The following VWA3A variants were observed in gnomAD, a reference collection of about 807,000 sequenced individuals.
VWA3A encodes the protein von Willebrand factor A domain-containing protein 3A.
VWA3A carries 134 observed loss-of-function variants against 160.4 expected under a neutral mutation model. The observed-to-expected ratio is 0.84, with a 90% CI of 0.73 to 0.96. The LOEUF (loss-of-function observed/expected upper bound fraction) is 0.96, where lower values mean the gene tolerates loss of function less well. VWA3A is among the 40% of genes least tolerant of loss of function. The pLI is 0.00. For missense variants in VWA3A, 1,310 were observed against 1,447.9 expected (o/e 0.90, Z 1.55); for synonymous variants, 476 against 543.4 (o/e 0.88, Z 1.72).
At chr16:22,101,447 A>T (rs954074586) in intron 5 of VWA3A, among the ~76,000 whole-genome samples, 1 of 152,192 alleles carries the variant, frequency 6.6e-6, no homozygotes, top group Non-Finnish European at 1.5e-5. Flanking sequence ...GTCCATTTTC[A>T]TGCTGCTGAT....
intron 5 of VWA3A, among the ~76,000 whole-genome samples, chr16:22,101,411 CA>C (rs1392527476): frequency 6.6e-6 from 1 of 152,124 alleles, no homozygotes; most frequent in East Asian, 1.9e-4. Flanking sequence ...ACTCCTAAAC[CA>C]GATTTTGATA....
At chr16:22,146,710 A>C (rs2046257470) in intron 27 of VWA3A, among the ~76,000 whole-genome samples, 1 of 151,718 alleles carries the variant, frequency 6.6e-6, no homozygotes, top group Admixed American at 6.6e-5. Context: ...CAGAGGTTGC[A>C]GTGAGCTGAG....
chr16:22,104,243 A>G (rs1474187660), intron 6 of VWA3A, among the ~76,000 whole-genome samples: 2 of 152,028 alleles, frequency 1.3e-5, no homozygotes, highest in Non-Finnish European at 2.9e-5. Flanking sequence ...ATCCCAGCAC[A>G]TTGAGAGGCC....
In VWA3A at chr16:22,115,923, A is replaced by AAGG. The variant is rs1156229417; in HGVS notation, c.815+452_815+453insGGA. Among the ~76,000 whole-genome samples, 105 of 19,524 alleles carry AAGG rather than the reference A, an allele frequency of 5.4e-3. 3 individuals carry two copies. Among genetic ancestry groups the AAGG allele is most frequent in the African/African-American group, 0.018 (9 of 496 alleles). The allele number at this position is 19,524 out of a possible 152,430, so 12.8% of individuals were successfully genotyped here. ...GAAGGAAGGAAGGAAGGAAGGAAGG[A>AAGG]AAGGAAAGGAAAGGAAGGGAGGAGG... On this transcript the variant is annotated intron_variant, in intron 9 of 33. Transcript: ENST00000389398.
chr16:22,110,282 C>G (rs924993919), intron 7 of VWA3A, among the ~76,000 whole-genome samples: 4 of 152,196 alleles, frequency 2.6e-5, no homozygotes, highest in African/African-American at 9.6e-5. Context: ...GTGATGTGGA[C>G]AGGCTATTTT....
intron 11 of VWA3A, among the ~76,000 whole-genome samples, chr16:22,117,886 C>T (rs2045672732): frequency 6.6e-6 from 1 of 152,134 alleles, no homozygotes. Context: ...ATCTTGATAC[C>T]TCATCATCTA....
chr16:22,095,129 C>T (rs567507648), intron 1 of VWA3A, among the ~76,000 whole-genome samples: 3 of 152,214 alleles, frequency 2.0e-5, no homozygotes, highest in Admixed American at 6.5e-5. Flanking sequence ...ATGAATGTAT[C>T]GTTCCAAATT....
chr16:22,111,215 A>G (rs1190734504), intron 8 of VWA3A, among the ~76,000 whole-genome samples: 1 of 152,224 alleles, frequency 6.6e-6, no homozygotes, highest in African/African-American at 2.4e-5. Flanking sequence ...CACTATTTTT[A>G]TCCAGCAAAG....
intron 17 of VWA3A, among the ~76,000 whole-genome samples, chr16:22,128,732 C>T (rs1371680420): frequency 5.9e-5 from 9 of 152,046 alleles, no homozygotes; most frequent in South Asian, 2.1e-4. Context: ...GCATATACCA[C>T]GGAATACTAT....
intron 8 of VWA3A, 72 bp from the exon 9 acceptor site, chr16:22,115,275 C>G: frequency 6.8e-7 from 1 of 1,470,168 alleles, no homozygotes; most frequent in Non-Finnish European, 9.0e-7. Context: ...GCCCTTATCT[C>G]TAAAAAGAAA....
At chr16:22,145,922 GCAATCCTCC>G (rs1301221208) in intron 26 of VWA3A, among the ~76,000 whole-genome samples, 2 of 151,966 alleles carry the variant, frequency 1.3e-5, no homozygotes, top group African/African-American at 4.8e-5. Flanking sequence ...CTGGGCTCAG[GCAATCCTCC>G]CACCTCAGCC....
rs1325330450 is a variant in VWA3A at position 22,115,872 on chromosome 16, AG to A, written c.815+402del. The stretch of plus-strand genomic sequence containing the variant: ...AAGGAAGGAAGGAAGGAAGGAAGGA[AG>A]GAAGGAAGGAAGGAAGGAAGGAAGG... On this transcript the variant is annotated intron_variant, in intron 9 of 33. Transcript: ENST00000389398. 1.0e-3 allele frequency among the ~76,000 whole-genome samples: 15 copies of A among 14,766 alleles called. No homozygotes were observed. In the South Asian group the frequency reaches 0.016, roughly 15 times the overall value. The allele number at this position is 14,766 out of a possible 152,430, so 9.7% of individuals were successfully genotyped here.
intron 21 of VWA3A, among the ~76,000 whole-genome samples, chr16:22,134,992 G>T (rs1398252617): frequency 6.6e-6 from 1 of 152,194 alleles, no homozygotes; most frequent in Non-Finnish European, 1.5e-5. Context: ...AAGGTGGGCT[G>T]ATCGCTGGAG....
At chr16:22,121,708 CA>C in intron 14 of VWA3A, 91 bp downstream of exon 14, 3 of 1,034,672 alleles carry the variant, frequency 2.9e-6, no homozygotes, top group Non-Finnish European at 2.9e-6. Context: ...CAGTAAGAAT[CA>C]CCAGGGATTC....
intron 29 of VWA3A, 59 bp from the exon 30 acceptor site, chr16:22,150,636 T>C (rs1016345669): frequency 6.5e-7 from 1 of 1,531,464 alleles, no homozygotes; most frequent in African/African-American, 1.4e-5. Context: ...AGGCATTTGG[T>C]TCTTGTGTTC....
intron 27 of VWA3A, chr16:22,147,647 A>T (rs2046277273): frequency 2.8e-6 from 2 of 702,956 alleles, no homozygotes; most frequent in Non-Finnish European, 5.2e-6. Flanking sequence ...CTTCAGGTAC[A>T]GTTGTCAGGT....
At position 22,148,193 on chromosome 16, in the gene VWA3A, G is replaced by T. The variant is rs761296801; in HGVS notation, c.2871G>T (p.Glu957Asp). The T allele has an allele frequency of 7.5e-6, 12 of 1,603,806 alleles. No homozygotes were observed. The highest frequency in any genetic ancestry group is 9.4e-6 in the Non-Finnish European group (11 of 1,175,484). Reference protein sequence around the residue: ...GSRRLFGTVLESKVCILLDTS... With the variant: ...GSRRLFGTVLDSKVCILLDTS... The stretch of plus-strand genomic sequence containing the variant: ...GCCGACTGTTTGGCACCGTTTTGGA[G>T]AGCAAAGTATGCATATTGCTGGACA... The change falls in exon 28 of 34, where the codon GAG (glutamate) becomes GAT (aspartate). Residue 957 changes from glutamate (E) to aspartate (D), a missense_variant. Transcript: ENST00000389398.
chr16:22,100,869 AAAAG>A (rs145201282), intron 5 of VWA3A, among the ~76,000 whole-genome samples: 7,061 of 150,614 alleles, frequency 0.047, 604 homozygotes, highest in African/African-American at 0.16. Context: ...AGGAAAAAGA[AAAAG>A]AAAGAATTAT....
rs187907011 is a variant in VWA3A, at chr16:22,137,112, T to A, written c.2140-1248T>A. ...ATAAATAAATAAATAAGTAAGTAAA[T>A]AAATAAATATCCCTTACCCTCAGGT... is the stretch of plus-strand genomic sequence containing the variant. On this transcript the variant is annotated intron_variant, in intron 21 of 33. Transcript: ENST00000389398. Among the ~76,000 whole-genome samples the A allele has an allele frequency of 1.8e-4, 27 of 152,112 alleles. No homozygotes were observed. In the East Asian group the frequency reaches 3.7e-3, roughly 21 times the overall value.
Sources: gnomAD v4.1 joint callset for allele counts (sites outside exome capture counted in the v4.1 genomes callset) on GRCh38, gnomAD v4.1.1 for gene constraint, MANE v1.5 for transcripts, NCBI Gene and HGNC (gene_info 2026-07-23, HGNC 2026-07-21) for gene names.